The following CDH12 variants were observed in gnomAD, a reference collection of about 807,000 sequenced individuals.
The protein encoded by CDH12 is cadherin-12.
A neutral mutation model predicts 74.1 loss-of-function variants in CDH12; 41 were observed. The observed-to-expected ratio is 0.55, with a 90% CI of 0.43 to 0.72. The LOEUF is 0.72. Among genes scored for constraint, CDH12 ranks in the 30% least tolerant of loss-of-function variants. The pLI is 0.00. For synonymous variants in CDH12, 399 were observed against 355.0 expected (o/e 1.12, Z -1.39); for missense variants, 945 against 977.2 (o/e 0.97, Z 0.44).
Position 22,818,443 on chromosome 5 carries a change from A to C in CDH12, c.-523+34615T>G, listed in dbSNP as rs1190009431. 3.9e-5 allele frequency among the ~76,000 whole-genome samples: 6 copies of C among 152,002 alleles called. No individual in the cohort carries two copies. In the East Asian group the frequency reaches 1.2e-3, roughly 29 times the overall value. On this transcript the variant is annotated intron_variant, in intron 1 of 14. Transcript: ENST00000382254. Reference sequence around the variant, plus strand: ...CATCCCTTTCACTTGCCTCCAAGAAATTTTCTTATAAAACAGTGTGCTTAT... The same window carrying C: ...CATCCCTTTCACTTGCCTCCAAGAACTTTTCTTATAAAACAGTGTGCTTAT...
chr5:22,335,099 T>A (rs962026337), intron 3 of CDH12, among the ~76,000 whole-genome samples: 2 of 152,196 alleles, frequency 1.3e-5, no homozygotes, highest in African/African-American at 2.4e-5. Flanking sequence ...ACTACTCATC[T>A]GACAAGAGAT....
chr5:22,698,623 A>T (rs1461621322), intron 1 of CDH12, among the ~76,000 whole-genome samples: 1 of 142,020 alleles, frequency 7.0e-6, no homozygotes, highest in African/African-American at 2.6e-5. Context: ...TGCCATTCTC[A>T]ACTACTGTGC....
intron 5 of CDH12, among the ~76,000 whole-genome samples, chr5:22,063,302 T>A (rs891814023): frequency 6.6e-6 from 1 of 152,164 alleles, no homozygotes; most frequent in South Asian, 2.1e-4. Flanking sequence ...ATGTTCTTAT[T>A]GGTAGGTCTT....
At position 21,941,808 on chromosome 5, in the gene CDH12, C is replaced by CT. The variant is rs61643635; in HGVS notation, c.526+33282dup. 7.5e-4 allele frequency among the ~76,000 whole-genome samples: 112 copies of CT among 150,142 alleles called. No homozygotes were observed. The East Asian group carries it at 0.016, about 22-fold the overall frequency. ...TTAATGGGGAGAACTGTGTGGCTGA[C>CT]TTTTTTTTTTCCCAATCTAGCTTCC... On this transcript the variant is annotated intron_variant, in intron 6 of 14. Transcript: ENST00000382254.
intron 1 of CDH12, among the ~76,000 whole-genome samples, chr5:22,578,429 G>A (rs1561503794): frequency 6.6e-6 from 1 of 151,796 alleles, no homozygotes; most frequent in Non-Finnish European, 1.5e-5. Flanking sequence ...GTTAGTAATC[G>A]AGCAAGTATT....
At chr5:22,717,309 T>G (rs369618427) in intron 1 of CDH12, among the ~76,000 whole-genome samples, 46 of 152,324 alleles carry the variant, frequency 3.0e-4, no homozygotes, top group African/African-American at 8.4e-4. Flanking sequence ...ACAAAAATAT[T>G]TACCATGTGT....
rs111400335 is a variant in CDH12, at chr5:22,186,491, G to T, written c.-187+26007C>A. ...GTTTGGTTTTTTGTTTGTTTTTTGA[G>T]ACAGAGTCTCCGTCTTTTGCCCAGG... On this transcript the variant is annotated intron_variant, in intron 4 of 14. Coordinates refer to ENST00000382254, the MANE Select transcript of CDH12 (RefSeq NM_004061.5). Among the ~76,000 whole-genome samples the T allele has an allele frequency of 8.1e-3, 1,240 of 152,252 alleles. 19 individuals carry two copies. Among genetic ancestry groups the T allele is most frequent in the African/African-American group, 0.028 (1,178 of 41,544 alleles).
chr5:21,816,912 A>T, intron 9 of CDH12, 33 bp downstream of exon 9: 1 of 1,249,340 alleles, frequency 8.0e-7, no homozygotes, highest in Non-Finnish European at 1.1e-6. Flanking sequence ...ATTATTATTT[A>T]GTAGTCAACT....
At chr5:22,535,825 G>T (rs909946573) in intron 1 of CDH12, among the ~76,000 whole-genome samples, 1 of 152,084 alleles carries the variant, frequency 6.6e-6, no homozygotes, top group Admixed American at 6.5e-5. Flanking sequence ...AAATACAGTC[G>T]GACCTCTGTA....
chr5:22,126,978 G>A (rs780998764), intron 4 of CDH12, among the ~76,000 whole-genome samples: 5 of 152,190 alleles, frequency 3.3e-5, no homozygotes, highest in Non-Finnish European at 5.9e-5. Flanking sequence ...AAAGAATGAG[G>A]AAGCGAACAT....
At chr5:22,479,515 G>T (rs1746300581) in intron 2 of CDH12, among the ~76,000 whole-genome samples, 2 of 152,172 alleles carry the variant, frequency 1.3e-5, no homozygotes, top group Admixed American at 1.3e-4. Flanking sequence ...CTGAGGAAAA[G>T]ACATCTATCT....
chr5:22,090,624 C>T (rs1375585119), intron 4 of CDH12, among the ~76,000 whole-genome samples: 1 of 151,512 alleles, frequency 6.6e-6, no homozygotes, highest in Non-Finnish European at 1.5e-5. Context: ...CACACACACA[C>T]ACACCCTCCT....
At chr5:22,598,441 A>G (rs1374484339) in intron 1 of CDH12, among the ~76,000 whole-genome samples, 2 of 152,062 alleles carry the variant, frequency 1.3e-5, no homozygotes, top group Non-Finnish European at 2.9e-5. Flanking sequence ...CTCACTCTCT[A>G]TCCTGCAGCC....
intron 4 of CDH12, among the ~76,000 whole-genome samples, chr5:22,091,407 A>G (rs978585767): frequency 4.6e-5 from 7 of 151,394 alleles, no homozygotes; most frequent in African/African-American, 1.5e-4. Context: ...ATTAAAATTG[A>G]ATGCCATTAA....
chr5:22,805,629 G>T (rs1748741317), intron 1 of CDH12, among the ~76,000 whole-genome samples: 1 of 151,926 alleles, frequency 6.6e-6, no homozygotes, highest in South Asian at 2.1e-4. Context: ...CAAACATTTA[G>T]CATTTAAGTT....
chr5:22,255,253 A>G (rs1485112796), intron 3 of CDH12, among the ~76,000 whole-genome samples: 1 of 151,660 alleles, frequency 6.6e-6, no homozygotes, highest in African/African-American at 2.4e-5. Flanking sequence ...TAACCTCTGA[A>G]GTATTTGTGA....
intron 1 of CDH12, among the ~76,000 whole-genome samples, chr5:22,710,701 G>C (rs1029608543): frequency 1.3e-5 from 2 of 152,100 alleles, no homozygotes; most frequent in African/African-American, 4.8e-5. Context: ...CCCAGAATTA[G>C]AGAATATTAA....
chr5:22,842,939 A>G (rs1737143286), intron 1 of CDH12, among the ~76,000 whole-genome samples: 1 of 152,018 alleles, frequency 6.6e-6, no homozygotes, highest in Non-Finnish European at 1.5e-5. Context: ...TACTTTTCTC[A>G]GTTTCTACCA....
At chr5:22,573,572 G>T (rs2126769525) in intron 1 of CDH12, among the ~76,000 whole-genome samples, 1 of 152,272 alleles carries the variant, frequency 6.6e-6, no homozygotes, top group East Asian at 1.9e-4. Flanking sequence ...CTTTCTAAAA[G>T]AAAGCAACCA....
Sources: allele counts gnomAD v4.1 joint callset (sites outside exome capture counted in the v4.1 genomes callset), GRCh38; gene constraint gnomAD v4.1.1; transcripts MANE v1.5; gene names NCBI Gene and HGNC (gene_info 2026-07-23, HGNC 2026-07-21).